Variants in PHF21B observed in about 807,000 individuals in gnomAD.
The protein encoded by PHF21B is PHD finger protein 21B.
Under a neutral mutation model 62.2 loss-of-function variants are expected in PHF21B, and 22 were observed. That is an observed-to-expected ratio of 0.35 (90% CI 0.25 to 0.51). PHF21B has a LOEUF of 0.51. Ranked by LOEUF, PHF21B falls within the 20% of genes least tolerant of loss-of-function variation. The pLI, the probability that PHF21B is intolerant of heterozygous loss-of-function variation, is 0.97. For missense variants in PHF21B, 701 were observed against 707.9 expected, an observed-to-expected ratio of 0.99 and a Z score of 0.11; for synonymous variants, 341 against 314.7, an observed-to-expected ratio of 1.08 and a Z score of -0.88.
chr22:44,990,047 T>C (rs1458606803), intron 2 of PHF21B, among the ~76,000 whole-genome samples: 1 of 152,230 alleles, frequency 6.6e-6, no homozygotes, highest in African/African-American at 2.4e-5. Context: ...TGCCGCTGCC[T>C]CCACTTCCAC....
At chr22:45,001,432 C>A in intron 2 of PHF21B, 1 of 152,622 alleles carries the variant, frequency 6.6e-6, no homozygotes. Flanking sequence ...GCTGTCCCCA[C>A]ACCCCTCAGC....
intron 5 of PHF21B, among the ~76,000 whole-genome samples, chr22:44,907,464 C>T (rs953488024): frequency 3.3e-5 from 5 of 152,200 alleles, no homozygotes; most frequent in South Asian, 2.1e-4. Context: ...CCGCACGTGC[C>T]TGGTGCGGAG....
intron 2 of PHF21B, among the ~76,000 whole-genome samples, chr22:44,928,276 T>C (rs1305495088): frequency 1.3e-5 from 2 of 152,152 alleles, no homozygotes; most frequent in African/African-American, 4.8e-5. Context: ...GTCCTCGAAC[T>C]GCCAGGCCAC....
intron 2 of PHF21B, among the ~76,000 whole-genome samples, chr22:44,981,737 G>A (rs371100826): frequency 1.1e-3 from 165 of 152,332 alleles, no homozygotes; most frequent in African/African-American, 3.7e-3. Flanking sequence ...ACAGCTACAC[G>A]GGGACCAACA....
intron 2 of PHF21B, among the ~76,000 whole-genome samples, chr22:44,985,900 CCATGAGCACCACCATCACCAT>C (rs2072937106): frequency 6.6e-6 from 1 of 151,332 alleles, no homozygotes; most frequent in Non-Finnish European, 1.5e-5. Flanking sequence ...ACCACCATCA[CCATGAGCACCACCATCACCAT>C]CAGCACCACC....
intron 2 of PHF21B, among the ~76,000 whole-genome samples, chr22:44,960,635 T>A (rs2072400015): frequency 1.3e-5 from 2 of 152,222 alleles, no homozygotes; most frequent in Non-Finnish European, 2.9e-5. Flanking sequence ...TCTGTGAGGA[T>A]GTTTCTGGAT....
intron 5 of PHF21B, among the ~76,000 whole-genome samples, chr22:44,909,792 T>C (rs1445552491): frequency 6.6e-6 from 1 of 152,238 alleles, no homozygotes; most frequent in Non-Finnish European, 1.5e-5. Flanking sequence ...CTCTGCTGGA[T>C]CCTGGCAACT....
At chr22:44,931,180 A>T (rs2071734243) in intron 2 of PHF21B, among the ~76,000 whole-genome samples, 1 of 152,196 alleles carries the variant, frequency 6.6e-6, no homozygotes, top group Non-Finnish European at 1.5e-5. Flanking sequence ...TCGGCCTCCC[A>T]AAGTGCTAGA....
At chr22:44,925,571 T>G (rs2071612935) in intron 2 of PHF21B, among the ~76,000 whole-genome samples, 1 of 152,128 alleles carries the variant, frequency 6.6e-6, no homozygotes, top group Non-Finnish European at 1.5e-5. Context: ...GGATATCCAC[T>G]TTGGACATTT....
chr22:44,940,316 A>G (rs1374579596), intron 2 of PHF21B, among the ~76,000 whole-genome samples: 1 of 152,200 alleles, frequency 6.6e-6, no homozygotes, highest in African/African-American at 2.4e-5. Context: ...GCCTGCACCC[A>G]GCGCCAATGC....
At chr22:44,935,673 G>T (rs1196786989) in intron 2 of PHF21B, among the ~76,000 whole-genome samples, 1 of 152,052 alleles carries the variant, frequency 6.6e-6, no homozygotes, top group African/African-American at 2.4e-5. Context: ...TGGCACCTTG[G>T]AGGCCCCAAG....
At chr22:44,987,780 C>A (rs2072978099) in intron 2 of PHF21B, among the ~76,000 whole-genome samples, 1 of 151,872 alleles carries the variant, frequency 6.6e-6, no homozygotes, top group South Asian at 2.1e-4. Flanking sequence ...CTCTCTCTCT[C>A]TCTCTCTCCT....
chr22:44,925,554 T>A (rs2071612731), intron 2 of PHF21B, among the ~76,000 whole-genome samples: 4 of 152,148 alleles, frequency 2.6e-5, no homozygotes, highest in Admixed American at 2.6e-4. Flanking sequence ...ATGACCCACA[T>A]TCCCCTGGAT....
chr22:44,951,277 A>G (rs2072188858), intron 2 of PHF21B, among the ~76,000 whole-genome samples: 1 of 152,122 alleles, frequency 6.6e-6, no homozygotes, highest in African/African-American at 2.4e-5. Flanking sequence ...TCTCATAAGG[A>G]GTGCACAGCC....
intron 2 of PHF21B, among the ~76,000 whole-genome samples, chr22:44,971,631 C>T (rs1257180031): frequency 6.6e-6 from 1 of 152,220 alleles, no homozygotes; most frequent in African/African-American, 2.4e-5. Flanking sequence ...CAGGGCCTGG[C>T]CCTTGGGCGG....
intron 11 of PHF21B, 89 bp downstream of exon 11, chr22:44,885,774 G>A: frequency 7.4e-7 from 1 of 1,352,256 alleles, no homozygotes; most frequent in Non-Finnish European, 1.0e-6. Flanking sequence ...GGACCCACCT[G>A]TCCTCCCACA....
intron 2 of PHF21B, among the ~76,000 whole-genome samples, chr22:44,927,126 A>G (rs1199201003): frequency 6.6e-6 from 1 of 152,002 alleles, no homozygotes; most frequent in African/African-American, 2.4e-5. Context: ...GGCGGCGGAG[A>G]GGCAGAACCC....
At chr22:44,885,029 C>A (rs990150091) in intron 12 of PHF21B, among the ~76,000 whole-genome samples, 3 of 152,268 alleles carry the variant, frequency 2.0e-5, no homozygotes. Context: ...AGCAGGCGCA[C>A]AGCCAGGGTG....
intron 2 of PHF21B, among the ~76,000 whole-genome samples, chr22:44,948,227 C>T (rs1227267123): frequency 6.6e-6 from 1 of 152,148 alleles, no homozygotes; most frequent in Non-Finnish European, 1.5e-5. Context: ...GAAATAATTA[C>T]ACGACTCACC....
Sources: allele counts gnomAD v4.1 joint callset (sites outside exome capture counted in the v4.1 genomes callset), GRCh38; gene constraint gnomAD v4.1.1; transcripts MANE v1.5; gene names NCBI Gene and HGNC (gene_info 2026-07-23, HGNC 2026-07-21).